Variants in COBLL1 observed in about 807,000 individuals in gnomAD.
The protein encoded by COBLL1 is cordon-bleu protein-like 1.
A neutral mutation model predicts 94.8 loss-of-function variants in COBLL1; 50 were observed. The observed-to-expected ratio is 0.53, with a 90% CI of 0.42 to 0.67. The LOEUF (loss-of-function observed/expected upper bound fraction) is 0.67. COBLL1 is among the 30% of genes least tolerant of loss of function. COBLL1 has a pLI of 0.00. For synonymous variants in COBLL1, 448 were observed against 473.8 expected (o/e 0.95, Z 0.71); for missense variants, 1,362 against 1,348.7 (o/e 1.01, Z -0.15).
At position 164,841,327 on chromosome 2, in the gene COBLL1, C is replaced by A. The variant is rs902147637; in HGVS notation, c.-50-81G>T. The A allele has an allele frequency of 8.3e-7, 1 of 1,205,664 alleles. No individual in the cohort carries two copies. The highest frequency in any genetic ancestry group is 1.0e-6 in the Non-Finnish European group (1 of 971,182). The allele number at this position is 1,205,664 out of a possible 1,614,324, so 74.7% of individuals were successfully genotyped here. On this transcript the variant is annotated intron_variant, in intron 1 of 13. Coordinates refer to ENST00000652658, the MANE Select transcript of COBLL1 (RefSeq NM_001365672.2). This position sits in a 1 kb window ranked among gnomAD's most constrained non-coding sequence, Gnocchi z 5.5. ...AGCGAAGCTGGCTGAGCGTCAAGAG[C>A]CCGCCCGAGCCGCTCCAGCCCCGGC...
At chr2:164,756,069 G>A (rs1687385966) in intron 2 of COBLL1, among the ~76,000 whole-genome samples, 1 of 145,146 alleles carries the variant, frequency 6.9e-6, no homozygotes, top group Admixed American at 6.9e-5. Flanking sequence ...GAGAGAGAGA[G>A]AGAATGAGGG....
intron 3 of COBLL1, among the ~76,000 whole-genome samples, chr2:164,735,704 T>G (rs540998592): frequency 2.6e-5 from 4 of 152,110 alleles, no homozygotes; most frequent in Non-Finnish European, 5.9e-5. Context: ...ATTATCCACC[T>G]GGATGCCAAA....
At chr2:164,702,610 GA>G (rs909153277) in intron 9 of COBLL1, among the ~76,000 whole-genome samples, 5 of 146,602 alleles carry the variant, frequency 3.4e-5, no homozygotes, top group Admixed American at 2.0e-4. Context: ...ACTCTGTATT[GA>G]AAAAAAATGA....
intron 5 of COBLL1, 31 bp downstream of exon 5, chr2:164,727,938 A>G: frequency 7.0e-7 from 1 of 1,420,408 alleles, no homozygotes; most frequent in Non-Finnish European, 9.9e-7. Context: ...TACACATCCC[A>G]CTAAATAAAT....
chr2:164,741,802 C>G (rs1439996337), intron 3 of COBLL1, among the ~76,000 whole-genome samples: 3 of 151,926 alleles, frequency 2.0e-5, no homozygotes, highest in Admixed American at 2.0e-4. Flanking sequence ...GATGCAGAAT[C>G]TATCAGGTAT....
intron 2 of COBLL1, among the ~76,000 whole-genome samples, chr2:164,794,786 A>C (rs966534068): frequency 6.6e-6 from 1 of 152,208 alleles, no homozygotes; most frequent in Non-Finnish European, 1.5e-5. Flanking sequence ...TCACAGACAC[A>C]GACCCTCTTG....
At chr2:164,696,786 G>A (rs570082543) in intron 11 of COBLL1, 2 of 152,274 alleles carry the variant, frequency 1.3e-5, no homozygotes, top group East Asian at 3.9e-4. Context: ...GCCCAGTACC[G>A]AATTAAGTCA....
intron 4 of COBLL1, among the ~76,000 whole-genome samples, chr2:164,729,116 TTAA>T (rs957597353): frequency 9.2e-5 from 14 of 151,752 alleles, no homozygotes; most frequent in African/African-American, 2.9e-4. Context: ...CCAATATATA[TTAA>T]TAATATTAAA....
chr2:164,769,694 A>G (rs976719450), intron 2 of COBLL1, among the ~76,000 whole-genome samples: 3 of 152,178 alleles, frequency 2.0e-5, no homozygotes, highest in African/African-American at 7.2e-5. Context: ...TCCTGTCTCA[A>G]TTTTAAAAAG....
intron 9 of COBLL1, among the ~76,000 whole-genome samples, chr2:164,701,700 CAGTA>C (rs72112456): frequency 0.12 from 17,647 of 152,084 alleles, 1,077 homozygotes; most frequent in Middle Eastern, 0.13. Context: ...CACCAACAAC[CAGTA>C]GCCAGCAGGG....
intron 2 of COBLL1, among the ~76,000 whole-genome samples, chr2:164,782,230 A>G (rs1479779069): frequency 2.6e-5 from 4 of 152,150 alleles, no homozygotes; most frequent in African/African-American, 7.2e-5. Context: ...CCTGGCCTTT[A>G]TTACTACTTC....
chr2:164,702,017 A>AT (rs1467398867), intron 9 of COBLL1, among the ~76,000 whole-genome samples: 1 of 152,022 alleles, frequency 6.6e-6, no homozygotes, highest in Non-Finnish European at 1.5e-5. Context: ...TATTTTTAAA[A>AT]TTTTATCTCT....
At chr2:164,772,001 T>C (rs916101773) in intron 2 of COBLL1, 4 of 151,964 alleles carry the variant, frequency 2.6e-5, no homozygotes, top group African/African-American at 7.2e-5. Context: ...AACGTATGCA[T>C]AGTGGGAGTA....
rs146860639 is a variant in COBLL1, at chr2:164,695,322, A to C, written c.2070T>G (p.Asp690Glu). ...AAGCAGTGGAATTTTTGTCAATCCTATCTACAGGAGGCAAAAGATCATCAT... is the reference window on the plus strand; with the variant it reads ...AAGCAGTGGAATTTTTGTCAATCCTCTCTACAGGAGGCAAAAGATCATCAT... The part of the protein sequence containing the change: ...HGNDDLLPPV[D>E]RIDKNSTASY... The change falls in exon 12 of 14, where the codon GAT (aspartate) becomes GAG (glutamate). Residue 690 changes from aspartate (D) to glutamate (E), a missense_variant. Coordinates refer to ENST00000652658, the MANE Select transcript of COBLL1 (RefSeq NM_001365672.2). 1 of 1,613,916 alleles carries C rather than the reference A, an allele frequency of 6.2e-7. No individual in the cohort carries two copies.
intron 2 of COBLL1, among the ~76,000 whole-genome samples, chr2:164,774,800 T>G (rs540000921): frequency 6.6e-6 from 1 of 151,780 alleles, no homozygotes; most frequent in East Asian, 1.9e-4. Context: ...CTAATAATAT[T>G]GTACTGTATA....
At chr2:164,772,093 A>G (rs1295279188) in intron 2 of COBLL1, 3 of 151,928 alleles carry the variant, frequency 2.0e-5, no homozygotes, top group Non-Finnish European at 4.4e-5. Flanking sequence ...CGATCATCTA[A>G]CCTCATGCCC....
intron 2 of COBLL1, chr2:164,773,904 A>T (rs355864): frequency 0.22 from 45,083 of 207,542 alleles, 5,773 homozygotes; most frequent in African/African-American, 0.37. Context: ...GGGAATAATC[A>T]TGTTAACATT....
intron 2 of COBLL1, among the ~76,000 whole-genome samples, chr2:164,792,191 C>G (rs1683223083): frequency 2.0e-5 from 3 of 151,768 alleles, no homozygotes; most frequent in South Asian, 4.2e-4. Flanking sequence ...TGCAGAGGTA[C>G]AAACTCAGCT....
chr2:164,729,114 T>C (rs1685856923), intron 4 of COBLL1, among the ~76,000 whole-genome samples: 1 of 151,716 alleles, frequency 6.6e-6, no homozygotes, highest in African/African-American at 2.4e-5. Context: ...TCCCAATATA[T>C]ATTAATAATA....
Sources: gnomAD v4.1 joint callset for allele counts (sites outside exome capture counted in the v4.1 genomes callset) on GRCh38, gnomAD v4.1.1 for gene constraint, Gnocchi (gnomAD v3.1) non-coding constraint, MANE v1.5 for transcripts, NCBI Gene and HGNC (gene_info 2026-07-23, HGNC 2026-07-21) for gene names.